The following SMG6 variants were observed in gnomAD, a reference collection of about 807,000 sequenced individuals.
The protein encoded by SMG6 is telomerase-binding protein EST1A.
SMG6 carries 66 observed loss-of-function variants against 142.2 expected under a neutral mutation model. The observed-to-expected ratio is 0.46, with a 90% CI of 0.38 to 0.57. The LOEUF is 0.57. Among genes scored for constraint, SMG6 ranks in the 20% least tolerant of loss-of-function variants. SMG6 has a pLI of 0.00. For missense variants in SMG6, 1,793 were observed against 1,832.0 expected (o/e 0.98, Z 0.39); for synonymous variants, 779 against 702.4 (o/e 1.11, Z -1.72).
chr17:2,275,796 G>A (rs1164846880), intron 8 of SMG6, among the ~76,000 whole-genome samples: 2 of 152,170 alleles, frequency 1.3e-5, no homozygotes, highest in African/African-American at 4.8e-5. Flanking sequence ...GAGTTGAAAT[G>A]TGAATCTCAA....
At chr17:2,144,750 T>A (rs932712077) in intron 13 of SMG6, among the ~76,000 whole-genome samples, 2 of 152,086 alleles carry the variant, frequency 1.3e-5, no homozygotes, top group Non-Finnish European at 2.9e-5. Flanking sequence ...TCAGAGTACA[T>A]AGGTAGTATG....
chr17:2,154,913 G>A (rs12449843), intron 13 of SMG6, among the ~76,000 whole-genome samples: 42,383 of 151,852 alleles, frequency 0.28, 7,648 homozygotes, highest in Admixed American at 0.39. Flanking sequence ...GCATGTACCT[G>A]TGGTCCCAGC....
At chr17:2,264,195 A>G (rs1250011999) in intron 8 of SMG6, among the ~76,000 whole-genome samples, 1 of 152,136 alleles carries the variant, frequency 6.6e-6, no homozygotes, top group Admixed American at 6.6e-5. Flanking sequence ...CTGGATCCTA[A>G]GGGACGATTT....
At chr17:2,177,399 A>C (rs1414507036) in intron 12 of SMG6, among the ~76,000 whole-genome samples, 1 of 133,504 alleles carries the variant, frequency 7.5e-6, no homozygotes, top group African/African-American at 2.6e-5. Flanking sequence ...AGGAGGAGAG[A>C]GTCTGAAAAG....
chr17:2,282,605 A>C, intron 8 of SMG6, 42 bp downstream of exon 8: 2 of 1,598,652 alleles, frequency 1.3e-6, no homozygotes. Context: ...ACCCAGGCTT[A>C]CTGAGCTAGT....
At chr17:2,186,972 C>T in intron 11 of SMG6, 141 bp from the exon 12 acceptor site, 1 of 838,370 alleles carries the variant, frequency 1.2e-6, no homozygotes, top group Non-Finnish European at 1.8e-6. Flanking sequence ...AGGACAAGCG[C>T]CAGCACCTAA....
intron 13 of SMG6, chr17:2,087,032 C>T: frequency 7.8e-7 from 1 of 1,290,232 alleles, no homozygotes; most frequent in African/African-American, 1.5e-5. Context: ...AGGAACTTCA[C>T]AGTAATAAGC....
In SMG6 at chr17:2,228,951, C is replaced by A. The variant is rs192274990; in HGVS notation, c.2869+7541G>T. Among the ~76,000 whole-genome samples the A allele has an allele frequency of 9.2e-5, 14 of 152,144 alleles. No individual in the cohort carries two copies. In the East Asian group the frequency reaches 2.5e-3, roughly 27 times the overall value. ...TCTGTATCAATGACATATCTACCTTCCCCCCAGGCCACAAAAAGTAGCACA... is the reference window on the plus strand; with the variant it reads ...TCTGTATCAATGACATATCTACCTTACCCCCAGGCCACAAAAAGTAGCACA... On this transcript the variant is annotated intron_variant, in intron 10 of 18. Transcript: ENST00000263073.
At position 2,290,482 on chromosome 17, in the gene SMG6, T is replaced by C. The variant is rs186687915; in HGVS notation, c.2337+2070A>G. ...ACTCAAAATGTATTACAGACTTAAA[T>C]GTAAAACATAAAACTATACAACTGC... On this transcript the variant is annotated intron_variant, in intron 6 of 18. Coordinates refer to ENST00000263073, the MANE Select transcript of SMG6 (RefSeq NM_017575.5). 3.9e-5 allele frequency among the ~76,000 whole-genome samples: 6 copies of C among 152,348 alleles called. No homozygotes were observed. In the East Asian group the frequency reaches 1.2e-3, roughly 29 times the overall value.
chr17:2,234,405 G>A (rs542046770), intron 10 of SMG6, among the ~76,000 whole-genome samples: 6 of 151,506 alleles, frequency 4.0e-5, no homozygotes, highest in South Asian at 4.2e-4. Flanking sequence ...GGGATTACAG[G>A]TGCCCACCAC....
intron 10 of SMG6, among the ~76,000 whole-genome samples, chr17:2,215,261 T>G (rs2072981842): frequency 6.6e-6 from 1 of 151,854 alleles, no homozygotes; most frequent in East Asian, 1.9e-4. Flanking sequence ...ATAAAAAGGA[T>G]CTACTATAAC....
chr17:2,225,294 A>C (rs1395580208), intron 10 of SMG6, among the ~76,000 whole-genome samples: 1 of 151,780 alleles, frequency 6.6e-6, no homozygotes, highest in Non-Finnish European at 1.5e-5. Flanking sequence ...CCTGGCCAAC[A>C]AGGTGAACTC....
At chr17:2,063,027 A>C (rs1055934685) in intron 18 of SMG6, 1 of 152,486 alleles carries the variant, frequency 6.6e-6, no homozygotes, top group Non-Finnish European at 1.5e-5. Context: ...CCCTCTGCAG[A>C]TAAGTGTGGC....
chr17:2,273,772 G>A (rs940518221), intron 8 of SMG6, among the ~76,000 whole-genome samples: 4 of 152,058 alleles, frequency 2.6e-5, no homozygotes, highest in Non-Finnish European at 4.4e-5. Context: ...ACTCCACCCT[G>A]GGCAACAGAG....
chr17:2,069,008 G>A (rs1196425908), intron 15 of SMG6, 77 bp from the exon 16 acceptor site: 2 of 1,440,798 alleles, frequency 1.4e-6, no homozygotes, highest in Non-Finnish European at 1.9e-6. Context: ...TGACACTACG[G>A]TGTGTCAGCA....
At chr17:2,086,063 G>C (rs1428390609) in intron 13 of SMG6, among the ~76,000 whole-genome samples, 162 bp from the exon 14 acceptor site, 2 of 152,174 alleles carry the variant, frequency 1.3e-5, no homozygotes, top group Non-Finnish European at 2.9e-5. Context: ...GGGCATGTCA[G>C]GTGGTAAGTG....
intron 9 of SMG6, among the ~76,000 whole-genome samples, chr17:2,241,507 AT>A (rs2073800043): frequency 6.6e-6 from 1 of 152,098 alleles, no homozygotes; most frequent in Non-Finnish European, 1.5e-5. Flanking sequence ...TTCAAAATTA[AT>A]TTTTCCTTTC....
At chr17:2,259,963 G>T (rs960747368) in intron 8 of SMG6, among the ~76,000 whole-genome samples, 5 of 152,112 alleles carry the variant, frequency 3.3e-5, no homozygotes, top group Non-Finnish European at 5.9e-5. Context: ...AGGGAGCTTT[G>T]GCTACCTTGT....
chr17:2,258,824 G>A (rs1038822831), intron 8 of SMG6, among the ~76,000 whole-genome samples: 1 of 149,536 alleles, frequency 6.7e-6, no homozygotes, highest in Non-Finnish European at 1.5e-5. Flanking sequence ...GAACTGGCGC[G>A]ATGGCTCACA....
Sources: allele counts gnomAD v4.1 joint callset (sites outside exome capture counted in the v4.1 genomes callset), GRCh38; gene constraint gnomAD v4.1.1; transcripts MANE v1.5; gene names NCBI Gene and HGNC (gene_info 2026-07-23, HGNC 2026-07-21).